The following TERB2 variants were observed in gnomAD, a reference collection of about 807,000 sequenced individuals.
TERB2 encodes the protein telomere repeats-binding bouquet formation protein 2.
A neutral mutation model predicts 29.8 loss-of-function variants in TERB2; 26 were observed. That is an observed-to-expected ratio of 0.87 (90% CI 0.64 to 1.21). The LOEUF (loss-of-function observed/expected upper bound fraction) is 1.21, where lower values mean the gene tolerates loss of function less well. TERB2 is among the 50% of genes most tolerant of loss of function. The pLI, the probability that TERB2 is intolerant of heterozygous loss-of-function variation, is 0.00. For synonymous variants in TERB2, 80 were observed against 90.8 expected (o/e 0.88, Z 0.68); for missense variants, 240 against 268.6 (o/e 0.89, Z 0.74).
chr15:44,976,087 G>A (rs1892043279), intron 6 of TERB2: 2 of 152,254 alleles, frequency 1.3e-5, no homozygotes, highest in South Asian at 4.1e-4. Context: ...ATAGAGATGA[G>A]GTCTCACTGT....
At position 44,956,918 on chromosome 15, in the gene TERB2, T is replaced by C. The variant is rs565171422; in HGVS notation, c.87T>C (p.Ser29=). The change falls in exon 2 of 7, where the codon AGT becomes AGC. Residue 29 remains serine (S), a synonymous_variant. Transcript: ENST00000340827. The part of the protein sequence containing the change: ...QFWVAEGGTI[S]DPRAADFLFS... The stretch of plus-strand genomic sequence containing the variant: ...CAGTGGCTGAAGGGGGAACGATCAG[T>C]GACCCGCGAGCCGCCGACTTCTTGT... The C allele has an allele frequency of 6.2e-7, 1 of 1,614,020 alleles. No homozygotes were observed. The highest frequency in any genetic ancestry group is 8.5e-7 in the Non-Finnish European group (1 of 1,179,982).
At chr15:44,972,575 G>T (rs902289887) in intron 5 of TERB2, among the ~76,000 whole-genome samples, 5 of 150,104 alleles carry the variant, frequency 3.3e-5, no homozygotes, top group Non-Finnish European at 7.4e-5. Context: ...AGTTCCAGTG[G>T]CGCCATCTCA....
chr15:44,956,824 A>G lies in TERB2; in HGVS notation c.64+42A>G, dbSNP rs761454306. On this transcript the variant is annotated intron_variant, in intron 1 of 6. Transcript: ENST00000340827. ...AAGCAGCGGGTTAGGTGGTGAGGGG[A>G]GCATCCTCCTCTCTCTGATGCTTTG... 13 of 1,610,738 alleles carry G rather than the reference A, an allele frequency of 8.1e-6. No individual in the cohort carries two copies. In the South Asian group the frequency reaches 1.4e-4, roughly 18 times the overall value.
In TERB2 at chr15:44,956,906, G is replaced by A; in HGVS notation, c.75G>A (p.Gly25=). 5 of 1,614,030 alleles carry A rather than the reference G, an allele frequency of 3.1e-6. No individual in the cohort carries two copies. The South Asian group carries it at 4.4e-5, about 14-fold the overall frequency. Residue 25 remains glycine (G), a synonymous_variant, in exon 2 of 7, where the codon GGG becomes GGA. Coordinates refer to ENST00000340827, the MANE Select transcript of TERB2 (RefSeq NM_152448.3). Reference sequence around the variant, plus strand: ...CTCTTACCTCCACAGTGGCTGAAGGGGGAACGATCAGTGACCCGCGAGCCG... The same window carrying A: ...CTCTTACCTCCACAGTGGCTGAAGGAGGAACGATCAGTGACCCGCGAGCCG... ...QDLRQFWVAE[G]GTISDPRAAD...
intron 5 of TERB2, among the ~76,000 whole-genome samples, chr15:44,967,866 T>G (rs202184710): frequency 0.018 from 1,977 of 111,224 alleles, 29 homozygotes; most frequent in African/African-American, 0.033. Flanking sequence ...GTAATTTATA[T>G]AATTTTTTCA....
chr15:44,972,811 T>G (rs1891990204), intron 5 of TERB2, among the ~76,000 whole-genome samples: 1 of 152,096 alleles, frequency 6.6e-6, no homozygotes, highest in Admixed American at 6.6e-5. Flanking sequence ...CCACTGTTCC[T>G]GGCCACCTTT....
intron 3 of TERB2, among the ~76,000 whole-genome samples, chr15:44,961,191 G>GATATATATATATAT (rs34640759): frequency 3.3e-3 from 454 of 135,866 alleles, no homozygotes; most frequent in Admixed American, 5.5e-3. Flanking sequence ...ATACCTCAAT[G>GATATATATATATAT]ATATATATAT....
intron 5 of TERB2, among the ~76,000 whole-genome samples, chr15:44,967,009 G>A (rs527904490): frequency 1.4e-4 from 21 of 152,332 alleles, no homozygotes; most frequent in African/African-American, 5.1e-4. Flanking sequence ...TGAGGTGGGA[G>A]GATCGCTTGA....
chr15:44,959,041 A>T (rs1227436581), intron 3 of TERB2, among the ~76,000 whole-genome samples: 1 of 152,136 alleles, frequency 6.6e-6, no homozygotes, highest in Non-Finnish European at 1.5e-5. Context: ...AATAATTTCA[A>T]ATTATTTCTA....
intron 6 of TERB2, among the ~76,000 whole-genome samples, chr15:44,974,561 C>G (rs1892016403): frequency 6.6e-6 from 1 of 151,980 alleles, no homozygotes; most frequent in Admixed American, 6.6e-5. Flanking sequence ...GACAACTAAC[C>G]ACGGCTGACA....
intron 5 of TERB2, chr15:44,973,497 A>G (rs1158406840): frequency 6.6e-6 from 1 of 152,226 alleles, no homozygotes; most frequent in Non-Finnish European, 1.5e-5. Context: ...GAAGTTCATA[A>G]TTAACATTTT....
chr15:44,962,585 T>C (rs1471724888), intron 4 of TERB2, among the ~76,000 whole-genome samples: 3 of 152,128 alleles, frequency 2.0e-5, no homozygotes, highest in Admixed American at 2.0e-4. Context: ...TCAATAAATG[T>C]GTACAAGAGT....
chr15:44,958,532 C>G lies in TERB2; in HGVS notation c.286+20C>G, dbSNP rs753544089. The G allele has an allele frequency of 1.3e-6, 2 of 1,590,236 alleles. No homozygotes were observed. Among genetic ancestry groups the G allele is most frequent in the South Asian group, 2.3e-5 (2 of 88,548 alleles). On this transcript the variant is annotated intron_variant, in intron 3 of 6. Coordinates refer to ENST00000340827, the MANE Select transcript of TERB2 (RefSeq NM_152448.3). Reference sequence around the variant, plus strand: ...AAAAAGGTTAGCAAAGATCATTCAGCCAATCCCTGTCAGACAGCCAAATCC... The same window carrying G: ...AAAAAGGTTAGCAAAGATCATTCAGGCAATCCCTGTCAGACAGCCAAATCC...
chr15:44,962,177 C>A (rs1302389955), intron 4 of TERB2, among the ~76,000 whole-genome samples: 3 of 150,956 alleles, frequency 2.0e-5, no homozygotes, highest in Middle Eastern at 3.2e-3. Context: ...ATAGTATTTA[C>A]CAGTTCTTTT....
chr15:44,963,207 A>G (rs1449776328), intron 4 of TERB2, among the ~76,000 whole-genome samples: 1 of 152,238 alleles, frequency 6.6e-6, no homozygotes, highest in Non-Finnish European at 1.5e-5. Flanking sequence ...AAAGTAAAAC[A>G]GCGTATCTTT....
At chr15:44,962,439 T>A (rs1161795105) in intron 4 of TERB2, among the ~76,000 whole-genome samples, 2 of 151,604 alleles carry the variant, frequency 1.3e-5, no homozygotes, top group Non-Finnish European at 2.9e-5. Flanking sequence ...TCCGCCCGCC[T>A]CGGCCTCCCA....
chr15:44,961,943 G>A (rs894450508), intron 4 of TERB2, among the ~76,000 whole-genome samples: 9 of 151,858 alleles, frequency 5.9e-5, no homozygotes, highest in Admixed American at 2.6e-4. Context: ...CAAGTGATCC[G>A]CCCACCTTGA....
intron 5 of TERB2, among the ~76,000 whole-genome samples, chr15:44,972,211 G>T (rs1476164133): frequency 6.6e-6 from 1 of 151,608 alleles, no homozygotes; most frequent in Admixed American, 6.6e-5. Context: ...GGCCGGTTGT[G>T]AACTCCTGAC....
chr15:44,976,804 C>T (rs978551906), intron 6 of TERB2, among the ~76,000 whole-genome samples: 1 of 152,166 alleles, frequency 6.6e-6, no homozygotes, highest in Non-Finnish European at 1.5e-5. Flanking sequence ...CCATGCTCAA[C>T]ATTTGCTTTG....
Sources: allele counts gnomAD v4.1 joint callset (sites outside exome capture counted in the v4.1 genomes callset), GRCh38; gene constraint gnomAD v4.1.1; transcripts MANE v1.5; gene names NCBI Gene and HGNC (gene_info 2026-07-23, HGNC 2026-07-21).